EPHA6: variants seen among roughly 807,000 people sequenced by gnomAD.
EPHA6 encodes the protein EPH receptor A6, also known as ephrin type-A receptor 6.
In EPHA6, 50 loss-of-function variants were observed where a neutral mutation model predicts 112.0. That is an observed-to-expected ratio of 0.45 (90% CI 0.36 to 0.56). The LOEUF (loss-of-function observed/expected upper bound fraction) is 0.56. EPHA6 is among the 20% of genes least tolerant of loss of function. The probability of loss-of-function intolerance (pLI) is 0.00; values close to 1 mark genes in which losing one functional copy is unlikely to be tolerated. For synonymous variants in EPHA6, 529 were observed against 490.7 expected, an observed-to-expected ratio of 1.08 and a Z score of -1.03; for missense variants, 1,280 against 1,417.4, an observed-to-expected ratio of 0.90 and a Z score of 1.56.
chr3:97,269,150 A>G (rs897992506), intron 5 of EPHA6, among the ~76,000 whole-genome samples: 4 of 152,220 alleles, frequency 2.6e-5, no homozygotes, highest in African/African-American at 9.6e-5. Context: ...GATTTTAGAT[A>G]CACATACGCC....
intron 9 of EPHA6, chr3:97,481,494 T>G: frequency 9.0e-7 from 1 of 1,114,240 alleles, no homozygotes; most frequent in Non-Finnish European, 1.4e-6. Flanking sequence ...CAAACCATAG[T>G]TCCGGTTCTT....
intron 3 of EPHA6, among the ~76,000 whole-genome samples, chr3:97,210,596 T>C (rs955985183): frequency 3.9e-5 from 6 of 152,202 alleles, no homozygotes; most frequent in African/African-American, 1.4e-4. Flanking sequence ...ATAAGCATGG[T>C]GTTCCAAATA....
chr3:97,000,900 C>A (rs1189512039), intron 3 of EPHA6, among the ~76,000 whole-genome samples: 1 of 150,924 alleles, frequency 6.6e-6, no homozygotes, highest in Non-Finnish European at 1.5e-5. Flanking sequence ...AAAGGCAAGA[C>A]ATTTCTTTAC....
At chr3:97,070,391 A>AT (rs2046315211) in intron 3 of EPHA6, among the ~76,000 whole-genome samples, 1 of 152,146 alleles carries the variant, frequency 6.6e-6, no homozygotes, top group Non-Finnish European at 1.5e-5. Context: ...GGCTAAATGA[A>AT]TTAACATATG....
intron 11 of EPHA6, among the ~76,000 whole-genome samples, chr3:97,547,112 C>T (rs771752274): frequency 1.3e-5 from 2 of 152,214 alleles, no homozygotes; most frequent in Non-Finnish European, 2.9e-5. Flanking sequence ...TGGTGAGGAG[C>T]TGCATTCCTC....
intron 14 of EPHA6, among the ~76,000 whole-genome samples, chr3:97,680,172 G>A (rs948360987): frequency 6.6e-6 from 1 of 152,120 alleles, no homozygotes; most frequent in Non-Finnish European, 1.5e-5. Flanking sequence ...AAATACAAAC[G>A]TAGTGGTAGG....
intron 3 of EPHA6, among the ~76,000 whole-genome samples, chr3:97,170,214 T>C (rs1022323344): frequency 3.3e-5 from 5 of 152,126 alleles, no homozygotes; most frequent in African/African-American, 1.2e-4. Context: ...GGAGGGGAAC[T>C]TAAATTTTAG....
intron 14 of EPHA6, among the ~76,000 whole-genome samples, chr3:97,711,621 G>T (rs966302520): frequency 6.6e-6 from 1 of 152,090 alleles, no homozygotes; most frequent in Non-Finnish European, 1.5e-5. Flanking sequence ...TGATGTTCAA[G>T]AGCAGCAGAA....
chr3:97,069,490 G>T (rs1246184823), intron 3 of EPHA6, among the ~76,000 whole-genome samples: 1 of 152,110 alleles, frequency 6.6e-6, no homozygotes, highest in Non-Finnish European at 1.5e-5. Context: ...CCCTAAGGGT[G>T]TTGCATGTTG....
chr3:96,925,756 C>T (rs974241278), intron 2 of EPHA6, among the ~76,000 whole-genome samples: 4 of 151,966 alleles, frequency 2.6e-5, no homozygotes, highest in Admixed American at 1.3e-4. Flanking sequence ...CGAGCGCCTG[C>T]CACCATGCCT....
At chr3:96,903,412 A>G (rs2038730307) in intron 2 of EPHA6, among the ~76,000 whole-genome samples, 2 of 152,114 alleles carry the variant, frequency 1.3e-5, no homozygotes, top group South Asian at 4.1e-4. Flanking sequence ...TTGGAAAATC[A>G]CCCTTAAAAT....
rs754917681 is a variant in EPHA6 at position 96,930,992 on chromosome 3, CAAAAAAAAA to C, written c.451-56317_451-56309del. On this transcript the variant is annotated intron_variant, in intron 2 of 17. Coordinates refer to ENST00000389672, the MANE Select transcript of EPHA6 (RefSeq NM_001080448.3). ...GGGTGACAGAGTGAGACTCTGTCTC[CAAAAAAAAA>C]AAAAAAAAAAAAAAAAAAAAGAAAA... is the stretch of plus-strand genomic sequence containing the variant. Among the ~76,000 whole-genome samples the C allele has an allele frequency of 6.8e-3, 237 of 34,778 alleles. 4 individuals are homozygous for C. The highest frequency in any genetic ancestry group is 0.012 in the Non-Finnish European group (150 of 12,080). The allele number at this position is 34,778 out of a possible 152,430, so 22.8% of individuals were successfully genotyped here. A position where few individuals can be genotyped will look rare whatever the true frequency, so the allele number is the denominator to read the frequency against.
chr3:96,901,114 G>C (rs1318914423), intron 2 of EPHA6, among the ~76,000 whole-genome samples: 1 of 152,066 alleles, frequency 6.6e-6, no homozygotes, highest in African/African-American at 2.4e-5. Context: ...TTTGGTCTTT[G>C]GGGGCAACCT....
At chr3:97,339,113 T>C (rs1373430609) in intron 5 of EPHA6, among the ~76,000 whole-genome samples, 1 of 152,186 alleles carries the variant, frequency 6.6e-6, no homozygotes, top group Admixed American at 6.6e-5. Flanking sequence ...TTGTCCTGAC[T>C]TAGGTAACAG....
At chr3:97,619,027 A>G (rs2093790159) in intron 13 of EPHA6, among the ~76,000 whole-genome samples, 1 of 152,184 alleles carries the variant, frequency 6.6e-6, no homozygotes, top group Non-Finnish European at 1.5e-5. Context: ...AATACTGGCA[A>G]ACTGAATCCA....
At chr3:97,256,129 TC>T (rs1418552070) in intron 5 of EPHA6, among the ~76,000 whole-genome samples, 3 of 152,114 alleles carry the variant, frequency 2.0e-5, no homozygotes, top group Non-Finnish European at 4.4e-5. Flanking sequence ...TCTACTGCAA[TC>T]TAGAACTGAA....
intron 3 of EPHA6, among the ~76,000 whole-genome samples, chr3:97,159,783 T>A (rs948591890): frequency 6.6e-6 from 1 of 152,176 alleles, no homozygotes; most frequent in Non-Finnish European, 1.5e-5. Context: ...TCAGAAGCAA[T>A]GCTGTGTAGA....
intron 2 of EPHA6, among the ~76,000 whole-genome samples, chr3:96,894,603 G>A (rs1166567011): frequency 6.6e-6 from 1 of 152,072 alleles, no homozygotes; most frequent in Admixed American, 6.6e-5. Flanking sequence ...AAGAAGGTAT[G>A]AATGGCATAG....
chr3:97,217,716 C>T (rs954682502), intron 3 of EPHA6, among the ~76,000 whole-genome samples: 1 of 152,146 alleles, frequency 6.6e-6, no homozygotes, highest in Admixed American at 6.5e-5. Context: ...GCCAATTATA[C>T]TTCAGTAAAA....
Sources: gnomAD v4.1 joint callset for allele counts (sites outside exome capture counted in the v4.1 genomes callset) on GRCh38, gnomAD v4.1.1 for gene constraint, MANE v1.5 for transcripts, NCBI Gene and HGNC (gene_info 2026-07-23, HGNC 2026-07-21) for gene names.